Variants in LPL observed in about 807,000 individuals in gnomAD.
The protein encoded by LPL is lipoprotein lipase, also known as phospholipase A1.
LPL carries 43 observed loss-of-function variants against 52.2 expected under a neutral mutation model. The ratio of observed to expected loss-of-function variants is 0.82; its 90% confidence interval spans 0.64 to 1.06. The LOEUF (loss-of-function observed/expected upper bound fraction) is 1.06. LPL is among the 50% of genes least tolerant of loss of function. The probability of loss-of-function intolerance (pLI) is 0.00; values close to 1 mark genes in which losing one functional copy is unlikely to be tolerated. For missense variants in LPL, 639 were observed against 585.3 expected (o/e 1.09, Z -0.95); for synonymous variants, 244 against 215.6 (o/e 1.13, Z -1.15).
At chr8:19,943,565 C>T (rs1215085227) in intron 1 of LPL, among the ~76,000 whole-genome samples, 2 of 152,126 alleles carry the variant, frequency 1.3e-5, no homozygotes, top group Non-Finnish European at 2.9e-5. Context: ...CCATCCTCAG[C>T]AACAAGAAGA....
In LPL at chr8:19,959,289, T is replaced by C; in HGVS notation, c.1048T>C (p.Ser350Pro). 1 of 1,614,166 alleles carries C rather than the reference T, an allele frequency of 6.2e-7. No individual in the cohort carries two copies. Reference sequence around the variant, plus strand: ...CCATTACCAAGTAAAGATTCATTTTTCTGGGACTGAGAGTGAAACCCATAC... The same window carrying C: ...CCATTACCAAGTAAAGATTCATTTTCCTGGGACTGAGAGTGAAACCCATAC... Reference protein sequence around the residue: ...VFHYQVKIHFSGTESETHTNQ... With the variant: ...VFHYQVKIHFPGTESETHTNQ... Residue 350 changes from serine to proline, a missense_variant, in exon 7 of 10, where the codon TCT becomes CCT. Coordinates refer to ENST00000650287, the MANE Select transcript of LPL (RefSeq NM_000237.3).
chr8:19,949,561 C>G (rs1334882101), intron 2 of LPL, among the ~76,000 whole-genome samples: 1 of 152,218 alleles, frequency 6.6e-6, no homozygotes, highest in African/African-American at 2.4e-5. Flanking sequence ...CGGCTCACTG[C>G]AACCTCCGCC....
At position 19,962,266 on chromosome 8, in the gene LPL, CTAAGGGAGGCAG is replaced by C. The variant is rs779269824; in HGVS notation, c.1427+48_1427+59del. 6 of 1,433,450 alleles carry C rather than the reference CTAAGGGAGGCAG, an allele frequency of 4.2e-6. No individual in the cohort carries two copies. The African/African-American group carries it at 5.6e-5, about 13-fold the overall frequency. The allele number at this position is 1,433,450 out of a possible 1,614,324, so 88.8% of individuals were successfully genotyped here. On this transcript the variant is annotated intron_variant, in intron 9 of 9. Transcript: ENST00000650287. ...TGACTGGGCATCCTGAGCTTGCACC[CTAAGGGAGGCAG>C]CTTCATGCATTCCTCTTCACCCCAT...
rs1357541624 is a variant in LPL at position 19,965,609 on chromosome 8, A to C, written c.*299A>C. ...GAGAAAGAAATAATTGTTTGAGCGC[A>C]GAGTAAAATAAGGCTCCTTCATGTG... On this transcript the variant is annotated 3_prime_UTR_variant, in exon 10 of 10. Coordinates refer to ENST00000650287, the MANE Select transcript of LPL (RefSeq NM_000237.3). 4 of 369,156 alleles carry C rather than the reference A, an allele frequency of 1.1e-5. No homozygotes were observed. Among genetic ancestry groups the C allele is most frequent in the African/African-American group, 8.2e-5 (4 of 48,664 alleles). 22.9% of individuals were successfully genotyped at this position (369,156 alleles called of 1,614,324 possible). A position where few individuals can be genotyped will look rare whatever the true frequency, so the allele number is the denominator to read the frequency against.
intron 7 of LPL, 103 bp downstream of exon 7, chr8:19,959,483 T>G: frequency 7.1e-7 from 1 of 1,403,840 alleles, no homozygotes; most frequent in Non-Finnish European, 9.6e-7. Context: ...AAAACAAGTC[T>G]TTAGTTAAAA....
rs751276262 is a variant in LPL at position 19,939,538 on chromosome 8, G to A, written c.88+10G>A. The A allele has an allele frequency of 8.1e-6, 13 of 1,605,220 alleles. No homozygotes were observed. Among genetic ancestry groups the A allele is most frequent in the Non-Finnish European group, 9.3e-6 (11 of 1,176,900 alleles). On this transcript the variant is annotated intron_variant, in intron 1 of 9. Transcript: ENST00000650287. This position sits in a 1 kb window ranked among gnomAD's most constrained non-coding sequence, Gnocchi z 4.0. ...GTGGCCGCCGCCGACCGTAAGTTTT[G>A]CGCGCAAACTCCCCTCCACCTGCAG... is the stretch of plus-strand genomic sequence containing the variant.
chr8:19,964,662 G>A (rs1457011463), intron 9 of LPL, among the ~76,000 whole-genome samples: 3 of 152,080 alleles, frequency 2.0e-5, no homozygotes, highest in East Asian at 3.9e-4. Flanking sequence ...ACAAGTAGCT[G>A]GGATTATAGG....
At chr8:19,964,109 C>T (rs2070064995) in intron 9 of LPL, among the ~76,000 whole-genome samples, 1 of 152,172 alleles carries the variant, frequency 6.6e-6, no homozygotes, top group South Asian at 2.1e-4. Flanking sequence ...TCCGCCACCA[C>T]ACCTGGCTAA....
At chr8:19,949,513 C>T (rs897440690) in intron 2 of LPL, among the ~76,000 whole-genome samples, 3 of 152,144 alleles carry the variant, frequency 2.0e-5, no homozygotes, top group Non-Finnish European at 4.4e-5. Context: ...GATGGAGGCT[C>T]ACTCTATTGC....
intron 7 of LPL, 51 bp from the exon 8 acceptor site, chr8:19,960,850 C>T: frequency 7.4e-7 from 1 of 1,343,138 alleles, no homozygotes; most frequent in Non-Finnish European, 1.1e-6. Flanking sequence ...AAGTGGGGGG[C>T]AGGGAGAGCT....
At chr8:19,961,212 G>A (rs2070035777) in intron 8 of LPL, 129 bp downstream of exon 8, 1 of 402,210 alleles carries the variant, frequency 2.5e-6, no homozygotes. Flanking sequence ...ACTGTATGAT[G>A]TAGATTTTCT....
In LPL at chr8:19,939,564, A is replaced by AC; in HGVS notation, c.88+39dup. ...CGCGCAAACTCCCCTCCACCTGCAG[A>AC]CCCGGCGGGTGGCCACTGCCACCCG... On this transcript the variant is annotated intron_variant, in intron 1 of 9. Coordinates refer to ENST00000650287, the MANE Select transcript of LPL (RefSeq NM_000237.3). The surrounding 1 kb of genome is among the most constrained non-coding windows in gnomAD (Gnocchi z 4.0). 6.3e-7 allele frequency: 1 copy of AC among 1,579,014 alleles called. No homozygotes were observed. Among genetic ancestry groups the AC allele is most frequent in the Non-Finnish European group, 8.6e-7 (1 of 1,162,926 alleles).
chr8:19,964,114 G>A (rs1241362451), intron 9 of LPL, among the ~76,000 whole-genome samples: 2 of 151,884 alleles, frequency 1.3e-5, no homozygotes, highest in African/African-American at 4.8e-5. Context: ...CACCACACCT[G>A]GCTAATTTCG....
chr8:19,965,310 A>T lies in LPL; in HGVS notation c.1428A>T (p.Ter476CysextTer40), dbSNP rs907790195. Residue 476 changes from the stop codon to cysteine, a stop_lost and splice_region_variant, in exon 10 of 10, where the codon TGA (stop) becomes TGT (cysteine). Coordinates refer to ENST00000650287, the MANE Select transcript of LPL (RefSeq NM_000237.3). The part of the protein sequence containing the change: ...HDKSLNKKSG[*>C] ...CCCTTTTTCCTGTGCTTTTTCTCAG[A>T]AACTGGGCGAATCTACAGAACAAAG... The T allele has an allele frequency of 1.3e-6, 1 of 780,836 alleles. No homozygotes were observed. The highest frequency in any genetic ancestry group is 2.4e-6 in the Non-Finnish European group (1 of 418,022). The allele number at this position is 780,836 out of a possible 1,614,324, so 48.4% of individuals were successfully genotyped here. A position where few individuals can be genotyped will look rare whatever the true frequency, so the allele number is the denominator to read the frequency against.
chr8:19,960,110 GAAAT>G (rs148301525), intron 7 of LPL, among the ~76,000 whole-genome samples: 6,001 of 152,036 alleles, frequency 0.039, 199 homozygotes, highest in South Asian at 0.065. Flanking sequence ...ACTAATCAAA[GAAAT>G]AAAAGTAAGG....
At position 19,961,070 on chromosome 8, in the gene LPL, G is replaced by C; in HGVS notation, c.1309G>C (p.Glu437Gln). 6.2e-7 allele frequency: 1 copy of C among 1,614,026 alleles called. No homozygotes were observed. The highest frequency in any genetic ancestry group is 8.5e-7 in the Non-Finnish European group (1 of 1,180,006). ...TCAGAAGATCAGAGTAAAAGCAGGA[G>C]AGACTCAGAAAAAGTAATTAAATGT... The part of the protein sequence containing the change: ...AIQKIRVKAG[E>Q]TQKKVIFCSR... The change falls in exon 8 of 10, where the codon GAG (glutamate) becomes CAG (glutamine). Residue 437 changes from glutamate to glutamine, a missense_variant. Physicochemically the swap from Glu to Gln is conservative, Grantham distance 29. Coordinates refer to ENST00000650287, the MANE Select transcript of LPL (RefSeq NM_000237.3).
At position 19,948,247 on chromosome 8, in the gene LPL, C is replaced by T. The variant is rs765559575; in HGVS notation, c.156C>T (p.Asp52=). 1 of 1,614,026 alleles carries T rather than the reference C, an allele frequency of 6.2e-7. No homozygotes were observed. The highest frequency in any genetic ancestry group is 8.5e-7 in the Non-Finnish European group (1 of 1,180,024). Residue 52 remains aspartate, a synonymous_variant, in exon 2 of 10, where the codon GAC becomes GAT. Transcript: ENST00000650287. The stretch of plus-strand genomic sequence containing the variant: ...GGACCCCTGAAGACACAGCTGAGGA[C>T]ACTTGCCACCTCATTCCCGGAGTAG... ...ALRTPEDTAE[D]TCHLIPGVAE...
rs1260445376 is a variant in LPL, at chr8:19,950,493, T to C, written c.250-1276T>C. ...GAGTAAGTTGGATGTCCAGCCTTTTTAGATTGCTTAACTTGGAAACACTGG... is the reference window on the plus strand; with the variant it reads ...GAGTAAGTTGGATGTCCAGCCTTTTCAGATTGCTTAACTTGGAAACACTGG... On this transcript the variant is annotated intron_variant, in intron 2 of 9. Coordinates refer to ENST00000650287, the MANE Select transcript of LPL (RefSeq NM_000237.3). The surrounding 1 kb of genome is among the most constrained non-coding windows in gnomAD (Gnocchi z 4.2). 6.6e-6 allele frequency among the ~76,000 whole-genome samples: 1 copy of C among 152,178 alleles called. No homozygotes were observed.
In LPL at chr8:19,951,959, GAGA is replaced by G. The variant is rs1290416351; in HGVS notation, c.429+14_429+16del. The G allele has an allele frequency of 6.2e-7, 1 of 1,614,172 alleles. No individual in the cohort carries two copies. The highest frequency in any genetic ancestry group is 8.5e-7 in the Non-Finnish European group (1 of 1,180,030). On this transcript the variant is annotated intron_variant, in intron 3 of 9. Coordinates refer to ENST00000650287, the MANE Select transcript of LPL (RefSeq NM_000237.3). ...ATCAACTGGATGGAGGTAAGACTGG[GAGA>G]AGGAGACTTATGTGTCCAAAACAGT...
Sources: allele counts gnomAD v4.1 joint callset (sites outside exome capture counted in the v4.1 genomes callset), GRCh38; gene constraint gnomAD v4.1.1; non-coding constraint Gnocchi (gnomAD v3.1); transcripts MANE v1.5; gene names NCBI Gene and HGNC (gene_info 2026-07-23, HGNC 2026-07-21).